Variants in FLNB observed in about 807,000 individuals in gnomAD.
The protein encoded by FLNB is filamin-B.
In FLNB, 111 loss-of-function variants were observed where a neutral mutation model predicts 250.6. That is an observed-to-expected ratio of 0.44 (90% CI 0.38 to 0.52). The LOEUF (loss-of-function observed/expected upper bound fraction) is 0.52. Among genes scored for constraint, FLNB ranks in the 20% least tolerant of loss-of-function variants. The pLI, the probability that FLNB is intolerant of heterozygous loss-of-function variation, is 0.00. For missense variants in FLNB, 2,869 were observed against 3,447.8 expected (o/e 0.83, Z 4.20); for synonymous variants, 1,302 against 1,372.1 (o/e 0.95, Z 1.13).
rs75036310 is a variant in FLNB at position 58,146,175 on chromosome 3, C to A, written c.5554+126C>A. 2.5e-5 allele frequency: 28 copies of A among 1,102,386 alleles called. No homozygotes were observed. In the East Asian group the frequency reaches 6.9e-4, roughly 27 times the overall value. 68.3% of individuals were successfully genotyped at this position (1,102,386 alleles called of 1,614,324 possible). ...GTAGTATTTGTCTTGTCTTTTCTCTCGTGTAAATCTGTTTCTTCTTTAGAG... is the reference window on the plus strand; with the variant it reads ...GTAGTATTTGTCTTGTCTTTTCTCTAGTGTAAATCTGTTTCTTCTTTAGAG... On this transcript the variant is annotated intron_variant, in intron 33 of 45. Coordinates refer to ENST00000295956, the MANE Select transcript of FLNB (RefSeq NM_001457.4).
chr3:58,095,815 C>G (rs138179502), intron 5 of FLNB, among the ~76,000 whole-genome samples: 1 of 152,336 alleles, frequency 6.6e-6, no homozygotes, highest in African/African-American at 2.4e-5. Flanking sequence ...GTACCTAACA[C>G]TGGGCCCTGC....
At chr3:58,095,929 G>C (rs2097237629) in intron 5 of FLNB, among the ~76,000 whole-genome samples, 1 of 152,174 alleles carries the variant, frequency 6.6e-6, no homozygotes, top group Non-Finnish European at 1.5e-5. Flanking sequence ...GGACACTGGA[G>C]AGTCCTGACT....
chr3:58,160,203 C>T (rs752245390), intron 42 of FLNB, among the ~76,000 whole-genome samples: 8 of 152,010 alleles, frequency 5.3e-5, no homozygotes, highest in Admixed American at 1.3e-4. Context: ...CCTTATGGCA[C>T]GAGTAAGCAT....
rs1214124721 is a variant in FLNB at position 58,111,896 on chromosome 3, C to G, written c.2575+15C>G. The G allele has an allele frequency of 1.2e-6, 2 of 1,605,180 alleles. No individual in the cohort carries two copies. The highest frequency in any genetic ancestry group is 1.7e-4 in the Middle Eastern group (1 of 5,988). On this transcript the variant is annotated intron_variant, in intron 17 of 45. Transcript: ENST00000295956. ...CAGCAAAGCAGGTAAGATGGCACGTCTAGGTTGTCCTGGGCCCCTCTGCCA... is the reference window on the plus strand; with the variant it reads ...CAGCAAAGCAGGTAAGATGGCACGTGTAGGTTGTCCTGGGCCCCTCTGCCA...
chr3:58,122,540 C>G (rs933397546), intron 20 of FLNB, among the ~76,000 whole-genome samples: 2 of 152,050 alleles, frequency 1.3e-5, no homozygotes, highest in African/African-American at 4.8e-5. Context: ...CATAGTAACC[C>G]TGACTCAAGG....
intron 17 of FLNB, 66 bp downstream of exon 17, chr3:58,111,947 C>A: frequency 7.3e-7 from 1 of 1,373,562 alleles, no homozygotes; most frequent in Non-Finnish European, 1.0e-6. Flanking sequence ...CGTGTTTCAT[C>A]CACGGCCTTG....
chr3:58,057,557 T>C (rs936369393), intron 1 of FLNB, among the ~76,000 whole-genome samples: 7 of 152,308 alleles, frequency 4.6e-5, no homozygotes, highest in Non-Finnish European at 7.4e-5. Flanking sequence ...TGATGGCTGC[T>C]GGGCTAGGGA....
At chr3:58,039,703 T>G (rs1405909704) in intron 1 of FLNB, among the ~76,000 whole-genome samples, 5 of 152,232 alleles carry the variant, frequency 3.3e-5, no homozygotes, top group African/African-American at 9.6e-5. Flanking sequence ...GTGCCCTGAT[T>G]TGCTTTTGGA....
chr3:58,124,568 G>GT, intron 22 of FLNB, 63 bp downstream of exon 22: 1 of 1,569,558 alleles, frequency 6.4e-7, no homozygotes, highest in Non-Finnish European at 8.7e-7. Flanking sequence ...TTGCCTCCTG[G>GT]TGGCTGGTAC....
chr3:58,082,324 G>A (rs1040890067), intron 4 of FLNB, among the ~76,000 whole-genome samples: 5 of 152,176 alleles, frequency 3.3e-5, no homozygotes, highest in Admixed American at 1.3e-4. Context: ...GTTGTGATTG[G>A]CACCTGACTT....
intron 1 of FLNB, among the ~76,000 whole-genome samples, chr3:58,009,601 C>T (rs1315562676): frequency 6.6e-6 from 1 of 152,130 alleles, no homozygotes; most frequent in Non-Finnish European, 1.5e-5. Flanking sequence ...TACCGTCAGC[C>T]TTCTAAGTTA....
intron 1 of FLNB, among the ~76,000 whole-genome samples, chr3:58,033,258 C>T (rs556741984): frequency 1.1e-4 from 17 of 152,320 alleles, no homozygotes; most frequent in Admixed American, 3.9e-4. Flanking sequence ...TTCCTTGTGC[C>T]TCTTTGTAAT....
chr3:58,038,132 C>A (rs544793843), intron 1 of FLNB, among the ~76,000 whole-genome samples: 1 of 151,998 alleles, frequency 6.6e-6, no homozygotes, highest in Non-Finnish European at 1.5e-5. Flanking sequence ...TGTGTTCAAG[C>A]GATTCTCCTG....
At position 58,138,493 on chromosome 3, in the gene FLNB, T is replaced by C; in HGVS notation, c.5073T>C (p.Gly1691=). The change falls in exon 29 of 46, where the codon GGT becomes GGC. Residue 1691 remains glycine (G), a synonymous_variant. Coordinates refer to ENST00000295956, the MANE Select transcript of FLNB (RefSeq NM_001457.4). ...CATATGTGATCTATGTGCGCTTCGGTGGTGTTGATATTCCTAACAGCCCCT... is the reference window on the plus strand; with the variant it reads ...CATATGTGATCTATGTGCGCTTCGGCGGTGTTGATATTCCTAACAGCCCCT... ...PGTYVIYVRF[G]GVDIPNSPFT... 1.2e-6 allele frequency: 2 copies of C among 1,614,208 alleles called. No individual in the cohort carries two copies. Among genetic ancestry groups the C allele is most frequent in the Non-Finnish European group, 1.7e-6 (2 of 1,180,026 alleles).
Position 58,081,062 on chromosome 3 carries a change from T to C in FLNB, c.640-567T>C, listed in dbSNP as rs563546908. On this transcript the variant is annotated intron_variant, in intron 3 of 45. Transcript: ENST00000295956. ...CTCTTGTCTTGGCCTCCTAAAGTGA[T>C]GGGATTACAGTCATGAGCTACCACG... 3.0e-4 allele frequency among the ~76,000 whole-genome samples: 46 copies of C among 152,334 alleles called. No individual in the cohort carries two copies. In the South Asian group the frequency reaches 9.5e-3, roughly 32 times the overall value.
At chr3:58,078,273 C>T (rs1423713623) in intron 2 of FLNB, 16 of 1,418,170 alleles carry the variant, frequency 1.1e-5, no homozygotes, top group East Asian at 2.5e-5. Flanking sequence ...TCCTTTACCT[C>T]ATGTGCTTAC....
At chr3:58,088,065 A>G (rs1469499435) in intron 4 of FLNB, among the ~76,000 whole-genome samples, 1 of 103,424 alleles carries the variant, frequency 9.7e-6, no homozygotes. Context: ...TTTTTTGCTG[A>G]AGTTTCACTT....
At position 58,172,007 on chromosome 3, in the gene FLNB, T is replaced by G. The variant is rs2097383119; in HGVS notation, c.*1245T>G. On this transcript the variant is annotated 3_prime_UTR_variant, in exon 46 of 46. Transcript: ENST00000295956. ...GCCTGAGCCCAAATGTGTAGTGTGG[T>G]CTGGGCAGGCAGACCTTTAGGTTTT... 6.6e-6 allele frequency: 1 copy of G among 152,340 alleles called. No homozygotes were observed. Among genetic ancestry groups the G allele is most frequent in the African/African-American group, 2.4e-5 (1 of 41,412 alleles). The allele number at this position is 152,340 out of a possible 1,614,324, so 9.4% of individuals were successfully genotyped here.
At chr3:58,085,559 C>G (rs1439135245) in intron 4 of FLNB, among the ~76,000 whole-genome samples, 1 of 152,200 alleles carries the variant, frequency 6.6e-6, no homozygotes, top group Non-Finnish European at 1.5e-5. Flanking sequence ...TTCACTGAGT[C>G]CCACCTTGCT....
Sources: gnomAD v4.1 joint callset for allele counts (sites outside exome capture counted in the v4.1 genomes callset) on GRCh38, gnomAD v4.1.1 for gene constraint, MANE v1.5 for transcripts, NCBI Gene and HGNC (gene_info 2026-07-23, HGNC 2026-07-21) for gene names.